Variants in DIP2C observed in about 807,000 individuals in gnomAD.
The protein encoded by DIP2C is disco-interacting protein 2 homolog C.
Under a neutral mutation model 192.4 loss-of-function variants are expected in DIP2C, and 33 were observed. The ratio of observed to expected loss-of-function variants is 0.17; its 90% confidence interval spans 0.13 to 0.23. The LOEUF (loss-of-function observed/expected upper bound fraction) is 0.23, where lower values mean the gene tolerates loss of function less well. DIP2C is among the 10% of genes least tolerant of loss of function. The pLI is 1.00. For missense variants in DIP2C, 1,537 were observed against 2,110.1 expected, an observed-to-expected ratio of 0.73 and a Z score of 5.32; for synonymous variants, 979 against 864.1, an observed-to-expected ratio of 1.13 and a Z score of -2.33.
At chr10:344,754 T>C in intron 28 of DIP2C, 55 bp downstream of exon 28, 1 of 1,478,152 alleles carries the variant, frequency 6.8e-7, no homozygotes, top group South Asian at 1.2e-5. Flanking sequence ...ACCTGCCACC[T>C]CCAGCACGCT....
intron 1 of DIP2C, among the ~76,000 whole-genome samples, chr10:688,312 A>G (rs1343264465): frequency 6.6e-6 from 1 of 152,106 alleles, no homozygotes; most frequent in Non-Finnish European, 1.5e-5. Flanking sequence ...TGAAACTGAA[A>G]AACAGTACCA....
intron 32 of DIP2C, among the ~76,000 whole-genome samples, chr10:308,614 T>C (rs1956433315): frequency 1.3e-5 from 2 of 152,190 alleles, no homozygotes; most frequent in African/African-American, 2.4e-5. Context: ...TAAAACTACA[T>C]TTCTGATTTT....
intron 17 of DIP2C, among the ~76,000 whole-genome samples, chr10:376,750 A>G (rs533946827): frequency 2.6e-5 from 4 of 152,250 alleles, no homozygotes; most frequent in African/African-American, 9.6e-5. Context: ...CAGCAGCAGA[A>G]TGAACTAATA....
chr10:407,028 G>A (rs1964855258), intron 9 of DIP2C, among the ~76,000 whole-genome samples: 1 of 152,046 alleles, frequency 6.6e-6, no homozygotes, highest in Admixed American at 6.5e-5. Flanking sequence ...CACCCGCCAA[G>A]TTATCCTTAA....
chr10:509,417 G>C (rs146711275), intron 1 of DIP2C, among the ~76,000 whole-genome samples: 4 of 152,118 alleles, frequency 2.6e-5, no homozygotes, highest in Admixed American at 2.6e-4. Context: ...ATCCATCCGC[G>C]CTGCTCCCCC....
intron 28 of DIP2C, among the ~76,000 whole-genome samples, chr10:342,215 G>C (rs1378688908): frequency 6.6e-6 from 1 of 151,924 alleles, no homozygotes; most frequent in African/African-American, 2.4e-5. Context: ...CTGGAGTGCA[G>C]TGGTGCGATC....
chr10:662,665 C>A (rs1428778818), intron 1 of DIP2C: 1 of 551,054 alleles, frequency 1.8e-6, no homozygotes, highest in Non-Finnish European at 3.2e-6. Context: ...TTTTCTTTTT[C>A]ATCTTTTTAA....
chr10:306,424 TTC>T (rs919711200), intron 32 of DIP2C, among the ~76,000 whole-genome samples: 37 of 152,206 alleles, frequency 2.4e-4, no homozygotes, highest in African/African-American at 8.2e-4. Flanking sequence ...CACATTCATA[TTC>T]TCTCTCAAGG....
chr10:439,238 T>G (rs1479613033), intron 4 of DIP2C, among the ~76,000 whole-genome samples: 1 of 151,232 alleles, frequency 6.6e-6, no homozygotes, highest in Non-Finnish European at 1.5e-5. Flanking sequence ...CCAACAACCT[T>G]GCTAGCACGG....
At chr10:405,687 A>G (rs1444600008) in intron 9 of DIP2C, among the ~76,000 whole-genome samples, 4 of 152,180 alleles carry the variant, frequency 2.6e-5, no homozygotes, top group Non-Finnish European at 5.9e-5. Context: ...CCTCCGTTCA[A>G]TCCTCTGTGT....
intron 1 of DIP2C, among the ~76,000 whole-genome samples, chr10:488,268 G>A (rs1330166131): frequency 6.6e-6 from 1 of 152,158 alleles, no homozygotes; most frequent in Non-Finnish European, 1.5e-5. Flanking sequence ...CAGCTTCCAG[G>A]CCACTTCTGG....
At chr10:587,705 T>C (rs1266255826) in intron 1 of DIP2C, among the ~76,000 whole-genome samples, 1 of 125,972 alleles carries the variant, frequency 7.9e-6, no homozygotes, top group Non-Finnish European at 1.6e-5. Flanking sequence ...AGGCACTGCC[T>C]CAGCCCTGAC....
At chr10:288,489 A>G (rs1955277345) in intron 32 of DIP2C, 68 bp from the exon 33 acceptor site, 1 of 1,514,512 alleles carries the variant, frequency 6.6e-7, no homozygotes, top group African/African-American at 1.4e-5. Flanking sequence ...ACCAATTCAC[A>G]CGAGGTCACG....
intron 28 of DIP2C, among the ~76,000 whole-genome samples, chr10:342,653 A>T (rs1383762722): frequency 6.6e-6 from 1 of 152,186 alleles, no homozygotes; most frequent in Non-Finnish European, 1.5e-5. Flanking sequence ...GGCTCACAGA[A>T]GTTAAAGATT....
chr10:602,539 T>C (rs1397656843), intron 1 of DIP2C, among the ~76,000 whole-genome samples: 1 of 152,164 alleles, frequency 6.6e-6, no homozygotes, highest in East Asian at 1.9e-4. Context: ...CTCCTGCTCC[T>C]CCGCCACGTG....
intron 1 of DIP2C, among the ~76,000 whole-genome samples, chr10:556,819 C>G (rs371251861): frequency 8.5e-5 from 13 of 152,214 alleles, no homozygotes; most frequent in African/African-American, 2.4e-4. Context: ...CCTTGAGTCA[C>G]AGAGAGGAAC....
At chr10:472,627 C>G in intron 2 of DIP2C, 78 bp from the exon 3 acceptor site, 1 of 1,280,824 alleles carries the variant, frequency 7.8e-7, no homozygotes, top group Non-Finnish European at 1.1e-6. Flanking sequence ...ATCATGCCCT[C>G]CATCCCCACA....
intron 1 of DIP2C, chr10:650,161 G>A: frequency 1.4e-6 from 1 of 717,444 alleles, no homozygotes; most frequent in Non-Finnish European, 2.6e-6. Flanking sequence ...GAAGACCCCA[G>A]CAGAGTCAAC....
intron 4 of DIP2C, 152 bp downstream of exon 4, chr10:440,719 A>G: frequency 3.5e-6 from 4 of 1,133,574 alleles, no homozygotes; most frequent in Non-Finnish European, 4.8e-6. Flanking sequence ...TTCCACGTTT[A>G]ACTCATACAA....
Sources: gnomAD v4.1 joint callset for allele counts (sites outside exome capture counted in the v4.1 genomes callset) on GRCh38, gnomAD v4.1.1 for gene constraint, MANE v1.5 for transcripts, NCBI Gene and HGNC (gene_info 2026-07-23, HGNC 2026-07-21) for gene names.